DYNC2I1: variants seen among roughly 807,000 people sequenced by gnomAD.
The protein encoded by DYNC2I1 is cytoplasmic dynein 2 intermediate chain 1.
Under a neutral mutation model 133.4 loss-of-function variants are expected in DYNC2I1, and 89 were observed. The ratio of observed to expected loss-of-function variants is 0.67; its 90% CI spans 0.56 to 0.80. The LOEUF (loss-of-function observed/expected upper bound fraction) is 0.80. Among genes scored for constraint, DYNC2I1 ranks in the 30% least tolerant of loss-of-function variants. The pLI, the probability that DYNC2I1 is intolerant of heterozygous loss-of-function variation, is 0.00. For missense variants in DYNC2I1, 1,291 were observed against 1,314.5 expected, an observed-to-expected ratio of 0.98 and a Z score of 0.28; for synonymous variants, 504 against 484.3, an observed-to-expected ratio of 1.04 and a Z score of -0.54.
chr7:158,876,930 G>C (rs1325687018), intron 4 of DYNC2I1, among the ~76,000 whole-genome samples: 1 of 152,196 alleles, frequency 6.6e-6, no homozygotes, highest in Admixed American at 6.5e-5. Flanking sequence ...TAAGTAGTAA[G>C]AAAACAAAAA....
intron 8 of DYNC2I1, among the ~76,000 whole-genome samples, chr7:158,892,988 C>T (rs1457328509): frequency 6.6e-6 from 1 of 151,610 alleles, no homozygotes; most frequent in Non-Finnish European, 1.5e-5. Context: ...TTCCCATATA[C>T]CCCCTCGCCC....
chr7:158,935,357 G>A (rs1485944411), intron 23 of DYNC2I1, among the ~76,000 whole-genome samples: 1 of 152,202 alleles, frequency 6.6e-6, no homozygotes, highest in East Asian at 1.9e-4. Flanking sequence ...GGTAAGATAG[G>A]ACAGAAGGCA....
rs566468101 is a variant in DYNC2I1, at chr7:158,885,872, C to T, written c.936-1149C>T. 4.0e-5 allele frequency among the ~76,000 whole-genome samples: 6 copies of T among 151,874 alleles called. 1 individual carries two copies. The highest frequency in any genetic ancestry group is 1.2e-4 in the African/African-American group (5 of 41,442). ...GCTCAATTCTGTATTTTTGTTAAACCGCATGGTATATTGATATGAATGAAA... is the reference window on the plus strand; with the variant it reads ...GCTCAATTCTGTATTTTTGTTAAACTGCATGGTATATTGATATGAATGAAA... On this transcript the variant is annotated intron_variant, in intron 6 of 24. Coordinates refer to ENST00000407559, the MANE Select transcript of DYNC2I1 (RefSeq NM_018051.5).
chr7:158,918,248 TTC>T (rs1848675575), intron 14 of DYNC2I1, among the ~76,000 whole-genome samples: 11 of 152,234 alleles, frequency 7.2e-5, no homozygotes, highest in Admixed American at 7.2e-4. Context: ...CTTGTGTTAG[TTC>T]TCAGGAACAT....
At chr7:158,928,748 A>G (rs2730239) in intron 20 of DYNC2I1, among the ~76,000 whole-genome samples, 78,419 of 151,806 alleles carry the variant, frequency 0.52, 20,456 homozygotes, top group Admixed American at 0.56. Flanking sequence ...AGGTCACGGG[A>G]TGGGTTAGTG....
chr7:158,899,267 G>A (rs1196600848), intron 8 of DYNC2I1, among the ~76,000 whole-genome samples: 2 of 151,914 alleles, frequency 1.3e-5, no homozygotes. Flanking sequence ...TTTGGTCTGT[G>A]GTTGGTTGAA....
In DYNC2I1 at chr7:158,856,626, G is replaced by T; in HGVS notation, c.-110G>T. ...TGCTGCTCCTGCTTGTCGGTTGCTA[G>T]GCGCTGGGACGCGCCTCCCGAAGGG... is the stretch of plus-strand genomic sequence containing the variant. On this transcript the variant is annotated 5_prime_UTR_variant, in exon 1 of 25. It adds an upstream start codon to the 5' untranslated region. Transcript: ENST00000407559. 1 of 1,140,514 alleles carries T rather than the reference G, an allele frequency of 8.8e-7. No homozygotes were observed. The highest frequency in any genetic ancestry group is 1.1e-6 in the Non-Finnish European group (1 of 905,040). The allele number at this position is 1,140,514 out of a possible 1,614,324, so 70.6% of individuals were successfully genotyped here. A position where few individuals can be genotyped will look rare whatever the true frequency, so the allele number is the denominator to read the frequency against.
chr7:158,872,679 T>C (rs1842989697), intron 3 of DYNC2I1, among the ~76,000 whole-genome samples: 1 of 150,736 alleles, frequency 6.6e-6, no homozygotes, highest in Non-Finnish European at 1.5e-5. Context: ...ATTTTCTCAT[T>C]ATTAGCTAGA....
chr7:158,890,195 A>G (rs1845064594), intron 7 of DYNC2I1, among the ~76,000 whole-genome samples: 1 of 152,082 alleles, frequency 6.6e-6, no homozygotes. Context: ...TACAGAAGAA[A>G]CATGAAATTA....
At chr7:158,899,343 C>A (rs1308330154) in intron 8 of DYNC2I1, among the ~76,000 whole-genome samples, 1 of 152,178 alleles carries the variant, frequency 6.6e-6, no homozygotes, top group Non-Finnish European at 1.5e-5. Flanking sequence ...AACACACATA[C>A]ACACACACGG....
chr7:158,842,409 C>T, the DYNC2I1 span, among the ~76,000 whole-genome samples: 3 of 152,202 alleles, frequency 2.0e-5, no homozygotes, highest in Admixed American at 2.0e-4. Context: ...GTTTCCTCAG[C>T]CGACATAGTG....
chr7:158,929,736 GTTTTAATATCCATAGA>G (rs1268216235), intron 20 of DYNC2I1, among the ~76,000 whole-genome samples: 1 of 152,218 alleles, frequency 6.6e-6, no homozygotes, highest in Non-Finnish European at 1.5e-5. Context: ...CAGAATTTGG[GTTTTAATATCCATAGA>G]TTTCTAGTTT....
chr7:158,921,943 C>T (rs970403806), intron 15 of DYNC2I1, among the ~76,000 whole-genome samples: 11 of 152,202 alleles, frequency 7.2e-5, no homozygotes, highest in African/African-American at 2.7e-4. Context: ...GAACGGCGCT[C>T]AGCCGCTCGC....
In DYNC2I1 at chr7:158,941,991, G is replaced by T. The variant is rs1004604523; in HGVS notation, c.2845G>T (p.Asp949Tyr). The change falls in exon 24 of 25, where the codon GAC (aspartate) becomes TAC (tyrosine). Residue 949 changes from aspartate (D) to tyrosine (Y), a missense_variant. Coordinates refer to ENST00000407559, the MANE Select transcript of DYNC2I1 (RefSeq NM_018051.5). Reference protein sequence around the residue: ...LSSAFPLLQWDSSTDSHAVTG... With the variant: ...LSSAFPLLQWYSSTDSHAVTG... ...CTCCGCGTTTCCGCTCCTGCAGTGG[G>T]ACAGCAGCACGGACAGCCATGCGGT... is the stretch of plus-strand genomic sequence containing the variant. 1.7e-5 allele frequency: 28 copies of T among 1,613,300 alleles called. No individual in the cohort carries two copies. The highest frequency in any genetic ancestry group is 2.3e-5 in the Non-Finnish European group (27 of 1,179,798).
intron 20 of DYNC2I1, among the ~76,000 whole-genome samples, chr7:158,927,499 A>G (rs1453087928): frequency 6.6e-6 from 1 of 152,044 alleles, no homozygotes; most frequent in African/African-American, 2.4e-5. Context: ...ATATAACCTT[A>G]TAAACTGTTG....
intron 9 of DYNC2I1, 47 bp from the exon 10 acceptor site, chr7:158,902,329 A>C: frequency 6.5e-7 from 1 of 1,528,986 alleles, no homozygotes. Flanking sequence ...GGATAATTGA[A>C]AGTCAGTTTG....
chr7:158,841,936 C>T, the DYNC2I1 span, among the ~76,000 whole-genome samples: 5 of 152,152 alleles, frequency 3.3e-5, no homozygotes, highest in Non-Finnish European at 4.4e-5. Context: ...TTGTGACTGC[C>T]GGTGGAAGCT....
In DYNC2I1 at chr7:158,879,794, A is replaced by AG; in HGVS notation, c.685dup (p.Glu229GlyfsTer18). The AG allele has an allele frequency of 6.2e-7, 1 of 1,612,956 alleles. No homozygotes were observed. Among genetic ancestry groups the AG allele is most frequent in the Non-Finnish European group, 8.5e-7 (1 of 1,179,598 alleles). ...AGCCAGATCGAGACAACAAACACCG[A>AG]GAAAAAAGCAGCACAAGGGAAAAAA... is the stretch of plus-strand genomic sequence containing the variant. On this transcript the variant is annotated frameshift_variant, in exon 5 of 25. Transcript: ENST00000407559. LOFTEE classifies it high-confidence loss of function.
chr7:158,924,397 C>T (rs1222234988), intron 17 of DYNC2I1, among the ~76,000 whole-genome samples: 3 of 152,232 alleles, frequency 2.0e-5, no homozygotes, highest in Non-Finnish European at 4.4e-5. Context: ...ACTGAAGGTG[C>T]AGGCCGAGGT....
Sources: gnomAD v4.1 joint callset for allele counts (sites outside exome capture counted in the v4.1 genomes callset) on GRCh38, gnomAD v4.1.1 for gene constraint, MANE v1.5 for transcripts, NCBI Gene and HGNC (gene_info 2026-07-23, HGNC 2026-07-21) for gene names.